Variants in KCNQ5 observed in about 807,000 individuals in gnomAD.
KCNQ5 encodes the protein potassium voltage-gated channel subfamily KQT member 5.
KCNQ5 carries 30 observed loss-of-function variants against 98.2 expected under a neutral mutation model. The observed-to-expected ratio is 0.31, with a 90% CI of 0.23 to 0.41. The LOEUF (loss-of-function observed/expected upper bound fraction) is 0.41, where lower values mean the gene tolerates loss of function less well. Among genes scored for constraint, KCNQ5 ranks in the 10% least tolerant of loss-of-function variants. The pLI is 1.00. For missense variants in KCNQ5, 835 were observed against 1,182.5 expected (o/e 0.71, Z 4.31); for synonymous variants, 458 against 449.4 (o/e 1.02, Z -0.24).
At chr6:73,090,404 CT>C (rs1401795424) in intron 5 of KCNQ5, among the ~76,000 whole-genome samples, 1 of 152,120 alleles carries the variant, frequency 6.6e-6, no homozygotes, top group African/African-American at 2.4e-5. Flanking sequence ...TGCAAAAGCT[CT>C]TTAGTTTAAT....
intron 10 of KCNQ5, chr6:73,157,466 G>T: frequency 2.9e-6 from 2 of 689,530 alleles, no homozygotes; most frequent in South Asian, 3.1e-5. Context: ...CGCCTGTCCC[G>T]GCACCACCAC....
intron 1 of KCNQ5, among the ~76,000 whole-genome samples, chr6:72,670,826 T>C (rs947329509): frequency 1.3e-5 from 2 of 152,130 alleles, no homozygotes; most frequent in African/African-American, 4.8e-5. Context: ...CTTACTTACC[T>C]CAATAGGTAA....
At chr6:72,860,619 A>G (rs1777724316) in intron 1 of KCNQ5, among the ~76,000 whole-genome samples, 1 of 152,154 alleles carries the variant, frequency 6.6e-6, no homozygotes, top group Admixed American at 6.5e-5. Context: ...TATCAAGGTC[A>G]GTGACTTTTA....
At chr6:72,692,277 A>G (rs926783325) in intron 1 of KCNQ5, among the ~76,000 whole-genome samples, 1 of 152,226 alleles carries the variant, frequency 6.6e-6, no homozygotes. Flanking sequence ...TAATCAAGGC[A>G]TAAATTTGAT....
chr6:72,723,675 C>A (rs1218225798), intron 1 of KCNQ5, among the ~76,000 whole-genome samples: 2 of 151,882 alleles, frequency 1.3e-5, no homozygotes, highest in Non-Finnish European at 2.9e-5. Context: ...TCTTTCATCA[C>A]AGGTGATCAT....
chr6:72,665,507 C>T (rs6924417), intron 1 of KCNQ5, among the ~76,000 whole-genome samples: 144,107 of 152,244 alleles, frequency 0.95, 68,661 homozygotes, highest in East Asian at 1. Flanking sequence ...TCAAAAGCAT[C>T]CTGGTAAACT....
chr6:73,057,860 G>A (rs925592241), intron 3 of KCNQ5, among the ~76,000 whole-genome samples: 1 of 152,288 alleles, frequency 6.6e-6, no homozygotes, highest in South Asian at 2.1e-4. Flanking sequence ...ATATTACAAG[G>A]CTACAGTAAC....
At chr6:73,134,182 T>G in intron 10 of KCNQ5, 2 of 264,964 alleles carry the variant, frequency 7.5e-6, no homozygotes, top group Admixed American at 8.7e-5. Flanking sequence ...CTTCCAATGA[T>G]AAGTAAAATT....
At chr6:72,659,960 TTAG>T (rs1766424429) in intron 1 of KCNQ5, among the ~76,000 whole-genome samples, 1 of 152,208 alleles carries the variant, frequency 6.6e-6, no homozygotes, top group Admixed American at 6.5e-5. Context: ...CACTTTCATC[TTAG>T]TAGTTTCTGC....
Position 73,190,591 on chromosome 6 carries a change from T to G in KCNQ5, c.1596T>G (p.Val532=), listed in dbSNP as rs913970289. Residue 532 remains valine (V), a synonymous_variant, in exon 12 of 14, where the codon GTT becomes GTG. Coordinates refer to ENST00000370398, the MANE Select transcript of KCNQ5 (RefSeq NM_019842.4). ...CATACAGAATTATGAAATTTCATGT[T>G]GCAAAACGGAAGTTTAAGGAAACAT... ...IRAIRIMKFH[V]AKRKFKETLR... is the part of the protein sequence containing the mutation. 2 of 1,514,698 alleles carry G rather than the reference T, an allele frequency of 1.3e-6. No homozygotes were observed. Among genetic ancestry groups the G allele is most frequent in the South Asian group, 1.3e-5 (1 of 78,966 alleles). 93.8% of individuals were successfully genotyped at this position (1,514,698 alleles called of 1,614,324 possible).
chr6:72,662,691 C>T (rs1766591351), intron 1 of KCNQ5, among the ~76,000 whole-genome samples: 1 of 151,876 alleles, frequency 6.6e-6, no homozygotes, highest in South Asian at 2.1e-4. Flanking sequence ...AATATTGTGG[C>T]CAACTTAAGA....
chr6:72,661,614 G>A (rs1766529607), intron 1 of KCNQ5, among the ~76,000 whole-genome samples: 1 of 151,794 alleles, frequency 6.6e-6, no homozygotes, highest in Non-Finnish European at 1.5e-5. Context: ...TTTTACTATT[G>A]CCCTGCATTT....
chr6:73,116,292 T>C (rs953691795), intron 7 of KCNQ5, among the ~76,000 whole-genome samples: 1 of 152,188 alleles, frequency 6.6e-6, no homozygotes, highest in African/African-American at 2.4e-5. Flanking sequence ...AATATCATTA[T>C]CGTTCAGGAT....
At chr6:73,093,932 G>A (rs1402617764) in intron 5 of KCNQ5, among the ~76,000 whole-genome samples, 4 of 152,086 alleles carry the variant, frequency 2.6e-5, no homozygotes, top group African/African-American at 7.2e-5. Context: ...TTGTTCCAAG[G>A]TATAGTTTAA....
At chr6:73,097,967 A>C (rs1774587266) in intron 5 of KCNQ5, among the ~76,000 whole-genome samples, 1 of 152,202 alleles carries the variant, frequency 6.6e-6, no homozygotes. Context: ...TTCAATGCCC[A>C]GACACTGACA....
At chr6:72,970,371 T>C (rs550414025) in intron 1 of KCNQ5, among the ~76,000 whole-genome samples, 4 of 152,222 alleles carry the variant, frequency 2.6e-5, no homozygotes, top group South Asian at 2.1e-4. Flanking sequence ...ATTAAGTATC[T>C]AAACCTTGAT....
At chr6:72,690,869 T>C (rs1768184976) in intron 1 of KCNQ5, among the ~76,000 whole-genome samples, 1 of 152,098 alleles carries the variant, frequency 6.6e-6, no homozygotes, top group Non-Finnish European at 1.5e-5. Flanking sequence ...ATAAATTATA[T>C]ATAGATGTCC....
At chr6:72,634,517 G>A (rs1257206911) in intron 1 of KCNQ5, among the ~76,000 whole-genome samples, 1 of 151,950 alleles carries the variant, frequency 6.6e-6, no homozygotes, top group Non-Finnish European at 1.5e-5. Context: ...ATCCTATATA[G>A]GGCATTATGC....
Position 72,832,117 on chromosome 6 carries a change from A to C in KCNQ5, c.399-171791A>C, listed in dbSNP as rs538844371. 2.0e-5 allele frequency among the ~76,000 whole-genome samples: 3 copies of C among 152,290 alleles called. No homozygotes were observed. The East Asian group carries it at 5.8e-4, about 29-fold the overall frequency. Reference sequence around the variant, plus strand: ...GACAGACAGAATTGGGATTTGGGAAAGAGTCTGGACTAAAGATGCATATTT... The same window carrying C: ...GACAGACAGAATTGGGATTTGGGAACGAGTCTGGACTAAAGATGCATATTT... On this transcript the variant is annotated intron_variant, in intron 1 of 13. Coordinates refer to ENST00000370398, the MANE Select transcript of KCNQ5 (RefSeq NM_019842.4).
Sources: allele counts gnomAD v4.1 joint callset (sites outside exome capture counted in the v4.1 genomes callset), GRCh38; gene constraint gnomAD v4.1.1; transcripts MANE v1.5; gene names NCBI Gene and HGNC (gene_info 2026-07-23, HGNC 2026-07-21).